AUTS2: variants seen among roughly 807,000 people sequenced by gnomAD.
AUTS2 encodes autism susceptibility gene 2 protein.
Under a neutral mutation model 112.4 loss-of-function variants are expected in AUTS2, and 17 were observed. That is an observed-to-expected ratio of 0.15 (90% CI 0.10 to 0.23). AUTS2 has a LOEUF of 0.23. AUTS2 is among the 10% of genes least tolerant of loss of function. The pLI, the probability that AUTS2 is intolerant of heterozygous loss-of-function variation, is 1.00. For missense variants in AUTS2, 1,510 were observed against 1,701.6 expected (o/e 0.89, Z 1.98); for synonymous variants, 751 against 702.7 (o/e 1.07, Z -1.09).
rs74644492 is a variant in AUTS2 at position 70,607,375 on chromosome 7, C to T, written c.691-91194C>T. Among the ~76,000 whole-genome samples the T allele has an allele frequency of 5.2e-3, 797 of 152,264 alleles. 8 individuals are homozygous for T. Among genetic ancestry groups the T allele is most frequent in the African/African-American group, 0.018 (749 of 41,546 alleles). On this transcript the variant is annotated intron_variant, in intron 5 of 18. Transcript: ENST00000342771. Reference sequence around the variant, plus strand: ...TTGATGGAAAGCCTATATTTAAAAACGAACCTAGTGGAGGTGTATGATACA... The same window carrying T: ...TTGATGGAAAGCCTATATTTAAAAATGAACCTAGTGGAGGTGTATGATACA...
At chr7:69,772,983 G>C (rs1788730640) in intron 1 of AUTS2, among the ~76,000 whole-genome samples, 1 of 152,144 alleles carries the variant, frequency 6.6e-6, no homozygotes, top group African/African-American at 2.4e-5. Context: ...CTAAAGGTAG[G>C]TTTATGAGCT....
intron 1 of AUTS2, among the ~76,000 whole-genome samples, chr7:69,802,778 A>G (rs1790141595): frequency 1.3e-5 from 2 of 152,194 alleles, no homozygotes; most frequent in Non-Finnish European, 2.9e-5. Flanking sequence ...AATGCTCCTT[A>G]GGACTTGGCC....
chr7:69,695,075 C>T (rs867429925), intron 1 of AUTS2, among the ~76,000 whole-genome samples: 4 of 152,066 alleles, frequency 2.6e-5, no homozygotes, highest in African/African-American at 7.2e-5. Flanking sequence ...GTAATCCCAG[C>T]GCTTTGGCAG....
chr7:69,880,430 A>G (rs1265143137), intron 1 of AUTS2, among the ~76,000 whole-genome samples: 3 of 152,202 alleles, frequency 2.0e-5, no homozygotes, highest in African/African-American at 4.8e-5. Flanking sequence ...TTGGCAGGTG[A>G]TAAGCTCTTC....
chr7:69,767,377 A>G (rs1007488602), intron 1 of AUTS2, among the ~76,000 whole-genome samples: 11 of 151,990 alleles, frequency 7.2e-5, no homozygotes, highest in Non-Finnish European at 1.6e-4. Context: ...AGGTTTCACC[A>G]TGTTGCCCAG....
chr7:70,661,767 G>A (rs1261142947), intron 5 of AUTS2, among the ~76,000 whole-genome samples: 1 of 152,070 alleles, frequency 6.6e-6, no homozygotes, highest in Non-Finnish European at 1.5e-5. Context: ...CTGGGGAGGT[G>A]GACCCAGGCT....
At position 69,614,368 on chromosome 7, in the gene AUTS2, T is replaced by TTTCTTTCTTTC; in HGVS notation, c.309+14408_309+14409insCTTTCTTTCTT. On this transcript the variant is annotated intron_variant, in intron 1 of 18. Coordinates refer to ENST00000342771, the MANE Select transcript of AUTS2 (RefSeq NM_015570.4). ...TCTTTCTTTCTTTCTTTCTTTCTTTTTTTAAGAGATGGGATCTCACTCTGT... is the reference window on the plus strand; with the variant it reads ...TCTTTCTTTCTTTCTTTCTTTCTTTTTTCTTTCTTTCTTTAAGAGATGGGATCTCACTCTGT... Among the ~76,000 whole-genome samples the TTTCTTTCTTTC allele has an allele frequency of 1.9e-3, 37 of 19,534 alleles. 6 individuals are homozygous for TTTCTTTCTTTC. Among genetic ancestry groups the TTTCTTTCTTTC allele is most frequent in the South Asian group, 5.1e-3 (3 of 584 alleles). 12.8% of individuals were successfully genotyped at this position (19,534 alleles called of 152,430 possible).
At chr7:69,841,493 C>T (rs993060865) in intron 1 of AUTS2, among the ~76,000 whole-genome samples, 1 of 152,152 alleles carries the variant, frequency 6.6e-6, no homozygotes, top group African/African-American at 2.4e-5. Context: ...AATTCAACAT[C>T]AGGTTTGGGC....
In AUTS2 at chr7:70,691,701, G is replaced by A. The variant is rs184709990; in HGVS notation, c.691-6868G>A. On this transcript the variant is annotated intron_variant, in intron 5 of 18. Coordinates refer to ENST00000342771, the MANE Select transcript of AUTS2 (RefSeq NM_015570.4). Reference sequence around the variant, plus strand: ...TCACAGTGGGTGGTGTTCTGCAACCGGGCCAGCCAGGGGACCCTGGGGAGC... The same window carrying A: ...TCACAGTGGGTGGTGTTCTGCAACCAGGCCAGCCAGGGGACCCTGGGGAGC... Among the ~76,000 whole-genome samples the A allele has an allele frequency of 8.4e-4, 128 of 152,092 alleles. 1 individual carries two copies. The highest frequency in any genetic ancestry group is 3.6e-3 in the Admixed American group (55 of 15,284).
intron 2 of AUTS2, among the ~76,000 whole-genome samples, chr7:69,932,194 C>T (rs1296711146): frequency 6.6e-6 from 1 of 152,204 alleles, no homozygotes; most frequent in Non-Finnish European, 1.5e-5. Flanking sequence ...TACTTGCTTG[C>T]TTTGCATGGT....
intron 5 of AUTS2, among the ~76,000 whole-genome samples, chr7:70,689,148 C>G (rs11972792): frequency 0.034 from 5,194 of 151,604 alleles, 322 homozygotes; most frequent in African/African-American, 0.12. Flanking sequence ...CTTGAGGCCA[C>G]GAGTTCAAGA....
At chr7:69,980,500 G>A (rs1798251233) in intron 2 of AUTS2, among the ~76,000 whole-genome samples, 1 of 151,838 alleles carries the variant, frequency 6.6e-6, no homozygotes, top group Admixed American at 6.6e-5. Flanking sequence ...ATCTGGTTAT[G>A]TACATACTTG....
chr7:70,042,317 A>G (rs1801284199), intron 2 of AUTS2, among the ~76,000 whole-genome samples: 1 of 152,180 alleles, frequency 6.6e-6, no homozygotes, highest in Non-Finnish European at 1.5e-5. Context: ...AATTCAAAGG[A>G]TAAAAAAATT....
At chr7:70,125,760 C>T (rs1386608085) in intron 3 of AUTS2, among the ~76,000 whole-genome samples, 2 of 152,152 alleles carry the variant, frequency 1.3e-5, no homozygotes, top group African/African-American at 2.4e-5. Flanking sequence ...TAAGGGTCAC[C>T]CTACTTTTTT....
At chr7:70,240,301 C>A (rs537777510) in intron 4 of AUTS2, among the ~76,000 whole-genome samples, 1 of 152,142 alleles carries the variant, frequency 6.6e-6, no homozygotes, top group South Asian at 2.1e-4. Context: ...TGTGAATATT[C>A]CCTGAACCAC....
At chr7:70,425,821 A>T (rs1279444743) in intron 4 of AUTS2, among the ~76,000 whole-genome samples, 1 of 152,242 alleles carries the variant, frequency 6.6e-6, no homozygotes, top group Non-Finnish European at 1.5e-5. Context: ...TTAAAAAAAG[A>T]TATTCAGTCT....
chr7:69,947,913 A>G lies in AUTS2; in HGVS notation c.522+48415A>G, dbSNP rs545423805. On this transcript the variant is annotated intron_variant, in intron 2 of 18. Transcript: ENST00000342771. ...TCAGAGAGATTAAGTAACTTGCCCA[A>G]TGTTACACAGCTTGTAAGTGGCATT... Among the ~76,000 whole-genome samples the G allele has an allele frequency of 5.3e-5, 8 of 152,294 alleles. 1 individual carries two copies. In the South Asian group the frequency reaches 8.3e-4, roughly 16 times the overall value.
intron 1 of AUTS2, among the ~76,000 whole-genome samples, chr7:69,798,232 G>T: frequency 6.6e-6 from 1 of 152,108 alleles, no homozygotes; most frequent in East Asian, 1.9e-4. Flanking sequence ...GTGTGTTTGT[G>T]CTGGGAGGAA....
At chr7:70,601,600 C>T (rs918487040) in intron 5 of AUTS2, among the ~76,000 whole-genome samples, 4 of 152,122 alleles carry the variant, frequency 2.6e-5, no homozygotes, top group African/African-American at 9.7e-5. Flanking sequence ...GTGTGACTTG[C>T]TAGGATAGAG....
Sources: gnomAD v4.1 joint callset for allele counts (sites outside exome capture counted in the v4.1 genomes callset) on GRCh38, gnomAD v4.1.1 for gene constraint, MANE v1.5 for transcripts, NCBI Gene and HGNC (gene_info 2026-07-23, HGNC 2026-07-21) for gene names.